KHDRBS2: variants seen among roughly 807,000 people sequenced by gnomAD.
KHDRBS2 encodes the protein KH RNA binding domain containing, signal transduction associated 2, also known as KH domain-containing, RNA-binding, signal transduction-associated protein 2.
In KHDRBS2, 26 loss-of-function variants were observed where a neutral mutation model predicts 44.3. The ratio of observed to expected loss-of-function variants is 0.59; its 90% CI spans 0.43 to 0.81. The LOEUF (loss-of-function observed/expected upper bound fraction) is 0.81. Among genes scored for constraint, KHDRBS2 ranks in the 40% least tolerant of loss-of-function variants. The pLI is 0.00. For synonymous variants in KHDRBS2, 194 were observed against 151.1 expected, an observed-to-expected ratio of 1.28 and a Z score of -2.08; for missense variants, 476 against 433.1, an observed-to-expected ratio of 1.10 and a Z score of -0.88.
At chr6:62,077,110 C>A (rs1584546861) in intron 2 of KHDRBS2, among the ~76,000 whole-genome samples, 1 of 152,078 alleles carries the variant, frequency 6.6e-6, no homozygotes, top group East Asian at 1.9e-4. Context: ...GTAGAAATAT[C>A]TGTTGAATTT....
intron 3 of KHDRBS2, among the ~76,000 whole-genome samples, chr6:61,992,018 T>C (rs1032110036): frequency 1.3e-5 from 2 of 152,236 alleles, no homozygotes; most frequent in African/African-American, 4.8e-5. Context: ...CATTAGGACC[T>C]ATAAAGTGGC....
chr6:61,724,409 T>C (rs1469642866), intron 7 of KHDRBS2, among the ~76,000 whole-genome samples: 1 of 152,028 alleles, frequency 6.6e-6, no homozygotes, highest in South Asian at 2.1e-4. Context: ...ATGTGAACAG[T>C]CTGCAAAATA....
At chr6:62,055,323 A>T (rs1237882632) in intron 2 of KHDRBS2, among the ~76,000 whole-genome samples, 1 of 152,054 alleles carries the variant, frequency 6.6e-6, no homozygotes, top group Non-Finnish European at 1.5e-5. Flanking sequence ...GAAAAATCTT[A>T]TGAGAAATTC....
At chr6:62,024,043 T>C (rs542024222) in intron 3 of KHDRBS2, among the ~76,000 whole-genome samples, 1 of 150,842 alleles carries the variant, frequency 6.6e-6, no homozygotes. Context: ...AATCCCAATA[T>C]AAAAAAAAGT....
At chr6:61,717,415 A>T (rs1265971481) in intron 7 of KHDRBS2, among the ~76,000 whole-genome samples, 1 of 152,108 alleles carries the variant, frequency 6.6e-6, no homozygotes, top group Non-Finnish European at 1.5e-5. Context: ...AAATTCAAAC[A>T]ATATCAAACC....
intron 1 of KHDRBS2, among the ~76,000 whole-genome samples, chr6:62,264,728 T>G (rs1177747879): frequency 6.6e-6 from 1 of 151,814 alleles, no homozygotes; most frequent in Non-Finnish European, 1.5e-5. Context: ...TTTCTTTTTT[T>G]CTGAAATACA....
intron 1 of KHDRBS2, among the ~76,000 whole-genome samples, chr6:62,206,148 TA>T (rs1827928562): frequency 2.0e-5 from 3 of 152,154 alleles, no homozygotes. Flanking sequence ...AGAACCTCAC[TA>T]AAAGTATCTT....
rs1402574838 is a variant in KHDRBS2, at chr6:61,857,917, A to G, written c.810+36718T>C. On this transcript the variant is annotated intron_variant, in intron 6 of 8. Transcript: ENST00000281156. Reference sequence around the variant, plus strand: ...ATAGGACAAATCTATTCAACTTGCCATATGATTTAAAATTTATATTATAAT... The same window carrying G: ...ATAGGACAAATCTATTCAACTTGCCGTATGATTTAAAATTTATATTATAAT... Among the ~76,000 whole-genome samples the G allele has an allele frequency of 2.0e-5, 3 of 152,032 alleles. No individual in the cohort carries two copies. In the East Asian group the frequency reaches 5.8e-4, roughly 29 times the overall value.
intron 1 of KHDRBS2, among the ~76,000 whole-genome samples, chr6:62,270,673 T>G (rs1839946842): frequency 6.6e-6 from 1 of 152,074 alleles, no homozygotes. Context: ...ACTTAAAAAC[T>G]GCATTTCACT....
chr6:62,277,548 T>C (rs372123320), intron 1 of KHDRBS2, among the ~76,000 whole-genome samples: 2 of 152,152 alleles, frequency 1.3e-5, no homozygotes, highest in East Asian at 1.9e-4. Context: ...TTCACCGTGT[T>C]AGGCAGGATG....
the KHDRBS2 span, among the ~76,000 whole-genome samples, chr6:61,672,566 T>A: frequency 8.0e-5 from 12 of 150,828 alleles, no homozygotes; most frequent in African/African-American, 3.0e-4. Flanking sequence ...TATCTCATTG[T>A]GGTTTTGATT....
the KHDRBS2 span, among the ~76,000 whole-genome samples, chr6:61,558,529 T>A: frequency 1.3e-5 from 2 of 152,266 alleles, no homozygotes; most frequent in East Asian, 3.9e-4. Flanking sequence ...ACCATTGCAG[T>A]CCAGCCTAGG....
Position 61,684,746 on chromosome 6 carries a change from G to A in KHDRBS2, c.953-3686C>T, listed in dbSNP as rs185850080. On this transcript the variant is annotated intron_variant, in intron 8 of 8. Coordinates refer to ENST00000281156, the MANE Select transcript of KHDRBS2 (RefSeq NM_152688.4). ...CAAAAAAGGTACCAAATAACTATAC[G>A]CCAAATTGAAATTATGGAATGGGTT... Among the ~76,000 whole-genome samples the A allele has an allele frequency of 5.9e-4, 90 of 151,620 alleles. 1 individual carries two copies. Among genetic ancestry groups the A allele is most frequent in the Middle Eastern group, 3.4e-3 (1 of 294 alleles).
intron 3 of KHDRBS2, among the ~76,000 whole-genome samples, chr6:62,022,286 G>A (rs1379534818): frequency 6.6e-6 from 1 of 151,690 alleles, no homozygotes; most frequent in African/African-American, 2.4e-5. Context: ...AAGTAAAAAT[G>A]TAATTTATGA....
intron 3 of KHDRBS2, among the ~76,000 whole-genome samples, chr6:62,036,444 T>C (rs1584288598): frequency 2.0e-5 from 3 of 152,080 alleles, no homozygotes; most frequent in South Asian, 2.1e-4. Context: ...TCGGACACTA[T>C]GTTCATTACC....
intron 2 of KHDRBS2, among the ~76,000 whole-genome samples, chr6:62,174,890 T>C (rs967363871): frequency 6.6e-6 from 1 of 151,774 alleles, no homozygotes; most frequent in Admixed American, 6.6e-5. Flanking sequence ...CAGCTCATAG[T>C]ATTACACCAC....
chr6:62,122,725 C>T lies in KHDRBS2; in HGVS notation c.219+54460G>A, dbSNP rs1485392758. ...TATGAAGACACCACCTGAAAGTGGA[C>T]AGCTGCCGCAGCACTACAGCCCCCT... On this transcript the variant is annotated intron_variant, in intron 2 of 8. Transcript: ENST00000281156. Among the ~76,000 whole-genome samples the T allele has an allele frequency of 1.6e-5, 2 of 125,474 alleles. 1 individual carries two copies. Among genetic ancestry groups the T allele is most frequent in the Non-Finnish European group, 3.4e-5 (2 of 58,644 alleles). The allele number at this position is 125,474 out of a possible 152,430, so 82.3% of individuals were successfully genotyped here. A position where few individuals can be genotyped will look rare whatever the true frequency, so the allele number is the denominator to read the frequency against.
At chr6:62,235,922 AAT>A (rs1833630865) in intron 1 of KHDRBS2, among the ~76,000 whole-genome samples, 1 of 152,082 alleles carries the variant, frequency 6.6e-6, no homozygotes, top group South Asian at 2.1e-4. Context: ...ATCTCAGGTA[AAT>A]CACATTATTT....
At chr6:61,641,208 C>A in the KHDRBS2 span, among the ~76,000 whole-genome samples, 1 of 152,148 alleles carries the variant, frequency 6.6e-6, no homozygotes, top group African/African-American at 2.4e-5. Flanking sequence ...TTTCTCTCTG[C>A]AACACACACT....
Sources: allele counts gnomAD v4.1 joint callset (sites outside exome capture counted in the v4.1 genomes callset), GRCh38; gene constraint gnomAD v4.1.1; transcripts MANE v1.5; gene names NCBI Gene and HGNC (gene_info 2026-07-23, HGNC 2026-07-21).